RANBP17: variants seen among roughly 807,000 people sequenced by gnomAD.
RANBP17 encodes the protein RAN binding protein 17.
RANBP17 carries 158 observed loss-of-function variants against 141.2 expected under a neutral mutation model. That is an observed-to-expected ratio of 1.12 (90% CI 0.98 to 1.28). The LOEUF is 1.28. Ranked by LOEUF, RANBP17 falls within the 50% of genes most tolerant of loss-of-function variation. The probability of loss-of-function intolerance (pLI) is 0.00; values close to 1 mark genes in which losing one functional copy is unlikely to be tolerated. For synonymous variants in RANBP17, 430 were observed against 450.0 expected (o/e 0.96, Z 0.56); for missense variants, 1,438 against 1,290.7 (o/e 1.11, Z -1.75).
chr5:171,010,081 C>T (rs951694399), intron 14 of RANBP17, among the ~76,000 whole-genome samples: 1 of 152,104 alleles, frequency 6.6e-6, no homozygotes, highest in African/African-American at 2.4e-5. Context: ...AGGAAGGAGC[C>T]ACAAAGTGAG....
chr5:171,018,586 T>C (rs1780614281), intron 14 of RANBP17, among the ~76,000 whole-genome samples: 1 of 152,210 alleles, frequency 6.6e-6, no homozygotes, highest in African/African-American at 2.4e-5. Context: ...GGAATGCCTG[T>C]GATTTTTGCA....
intron 3 of RANBP17, among the ~76,000 whole-genome samples, chr5:170,883,366 C>G (rs565582173): frequency 2.0e-5 from 3 of 152,190 alleles, no homozygotes; most frequent in African/African-American, 7.2e-5. Context: ...CTGCCACACA[C>G]GCACAGCTTC....
intron 14 of RANBP17, among the ~76,000 whole-genome samples, chr5:171,077,988 G>A (rs1488685110): frequency 6.6e-6 from 1 of 152,156 alleles, no homozygotes; most frequent in Non-Finnish European, 1.5e-5. Flanking sequence ...TGAGGTTTAA[G>A]GAAAGAAGCC....
At chr5:171,026,109 C>T (rs1488046012) in intron 14 of RANBP17, among the ~76,000 whole-genome samples, 1 of 151,824 alleles carries the variant, frequency 6.6e-6, no homozygotes, top group East Asian at 1.9e-4. Flanking sequence ...ATCACAAAAC[C>T]CCTGTAATTT....
At chr5:171,225,030 T>C (rs1763807512) in intron 22 of RANBP17, among the ~76,000 whole-genome samples, 1 of 152,212 alleles carries the variant, frequency 6.6e-6, no homozygotes, top group African/African-American at 2.4e-5. Flanking sequence ...GGAAAGCCCT[T>C]AGACTAGTTA....
At chr5:170,903,703 T>G (rs1191309433) in intron 5 of RANBP17, 2 of 309,980 alleles carry the variant, frequency 6.5e-6, no homozygotes, top group Non-Finnish European at 1.3e-5. Context: ...CAGTCTTTAT[T>G]TGACATCATT....
chr5:170,897,261 TG>T lies in RANBP17; in HGVS notation c.489+1148del, dbSNP rs1770212322. 6.2e-6 allele frequency: 4 copies of T among 642,014 alleles called. No individual in the cohort carries two copies. The Admixed American group carries it at 7.3e-5, about 12-fold the overall frequency. 39.8% of individuals were successfully genotyped at this position (642,014 alleles called of 1,614,324 possible). On this transcript the variant is annotated intron_variant, in intron 5 of 27. Coordinates refer to ENST00000523189, the MANE Select transcript of RANBP17 (RefSeq NM_022897.5). ...CAGGTTTTAGAGAAACTCAGAAAGTTGGCAGAGCACTGTGATTGCTTGCAGT... is the reference window on the plus strand; with the variant it reads ...CAGGTTTTAGAGAAACTCAGAAAGTTGCAGAGCACTGTGATTGCTTGCAGT...
chr5:171,194,192 GTAT>G (rs1761828497), intron 18 of RANBP17, among the ~76,000 whole-genome samples: 1 of 152,044 alleles, frequency 6.6e-6, no homozygotes, highest in African/African-American at 2.4e-5. Flanking sequence ...TTTGTTGTTG[GTAT>G]TATTGTTTTA....
chr5:170,912,022 C>G (rs964533768), intron 7 of RANBP17, among the ~76,000 whole-genome samples: 1 of 151,806 alleles, frequency 6.6e-6, no homozygotes, highest in African/African-American at 2.4e-5. Context: ...CTTTACTTTC[C>G]AAGACCAGAG....
At chr5:171,232,878 T>A (rs1205046362) in intron 22 of RANBP17, among the ~76,000 whole-genome samples, 1 of 152,226 alleles carries the variant, frequency 6.6e-6, no homozygotes, top group African/African-American at 2.4e-5. Flanking sequence ...CGCCTTTAGC[T>A]GAACATCTGC....
chr5:171,199,380 C>A (rs991114625), intron 18 of RANBP17, among the ~76,000 whole-genome samples: 12 of 151,840 alleles, frequency 7.9e-5, no homozygotes, highest in Non-Finnish European at 1.8e-4. Flanking sequence ...GCTCTAGGGG[C>A]CCTAGGAGCT....
intron 14 of RANBP17, among the ~76,000 whole-genome samples, chr5:171,058,459 A>G (rs1028424462): frequency 2.0e-5 from 3 of 150,870 alleles, no homozygotes; most frequent in Non-Finnish European, 3.0e-5. Flanking sequence ...ATGATTTCCA[A>G]TTTCATCCAT....
chr5:171,246,975 G>A (rs1022332589), intron 24 of RANBP17, among the ~76,000 whole-genome samples: 24 of 152,154 alleles, frequency 1.6e-4, no homozygotes, highest in African/African-American at 5.8e-4. Flanking sequence ...CAGAAACAGT[G>A]TCTTACTCAC....
chr5:170,948,699 C>G (rs1774964453), intron 12 of RANBP17, among the ~76,000 whole-genome samples: 1 of 152,120 alleles, frequency 6.6e-6, no homozygotes, highest in African/African-American at 2.4e-5. Context: ...CAGGGATTGA[C>G]AAACTGTTCC....
In RANBP17 at chr5:171,293,890, C is replaced by T; in HGVS notation, c.2951C>T (p.Ser984Phe). The T allele has an allele frequency of 6.2e-7, 1 of 1,612,040 alleles. No individual in the cohort carries two copies. Among genetic ancestry groups the T allele is most frequent in the Non-Finnish European group, 8.5e-7 (1 of 1,178,190 alleles). Residue 984 changes from serine to phenylalanine, a missense_variant, in exon 26 of 28, where the codon TCT becomes TTT. Ser to Phe is a radical substitution (Grantham distance 155). Coordinates refer to ENST00000523189, the MANE Select transcript of RANBP17 (RefSeq NM_022897.5). ...TGTGATTCTATCTTCTAGATGATGT[C>T]TGTCCTCATGAACACCATTGTCTTT... ...QNPDVLQQMM[S>F]VLMNTIVFED...
At chr5:170,983,157 A>G in intron 14 of RANBP17, 1 of 506,228 alleles carries the variant, frequency 2.0e-6, no homozygotes, top group Non-Finnish European at 3.8e-6. Context: ...CAGAGGATCA[A>G]ACACAGGAGA....
chr5:170,870,808 A>G (rs1387544684), intron 1 of RANBP17, among the ~76,000 whole-genome samples: 1 of 152,158 alleles, frequency 6.6e-6, no homozygotes, highest in Non-Finnish European at 1.5e-5. Flanking sequence ...TGTCTTCCAC[A>G]ATGGTTGAAC....
chr5:171,083,264 G>A (rs953643679), intron 14 of RANBP17, among the ~76,000 whole-genome samples: 5 of 152,134 alleles, frequency 3.3e-5, no homozygotes, highest in Non-Finnish European at 7.4e-5. Context: ...ATTAAGACAT[G>A]AGAGTGGAAC....
intron 18 of RANBP17, among the ~76,000 whole-genome samples, chr5:171,189,245 T>A (rs1761471589): frequency 6.6e-6 from 1 of 152,180 alleles, no homozygotes; most frequent in African/African-American, 2.4e-5. Context: ...CTTCCACATG[T>A]TTGAAAAGAA....
Sources: gnomAD v4.1 joint callset for allele counts (sites outside exome capture counted in the v4.1 genomes callset) on GRCh38, gnomAD v4.1.1 for gene constraint, MANE v1.5 for transcripts, NCBI Gene and HGNC (gene_info 2026-07-23, HGNC 2026-07-21) for gene names.